Variants in TRMT11 observed in about 807,000 individuals in gnomAD.
TRMT11 encodes the protein tRNA (guanine(10)-N(2))-methyltransferase TRMT11.
A neutral mutation model predicts 62.8 loss-of-function variants in TRMT11; 53 were observed. The observed-to-expected ratio is 0.84, with a 90% CI of 0.68 to 1.06. The LOEUF is 1.06. Ranked by LOEUF, TRMT11 falls within the 50% of genes least tolerant of loss-of-function variation. The pLI is 0.00. For missense variants in TRMT11, 556 were observed against 553.4 expected (o/e 1.00, Z -0.05); for synonymous variants, 188 against 190.3 (o/e 0.99, Z 0.10).
At chr6:126,038,475 T>G (rs1180071943) in intron 12 of TRMT11, among the ~76,000 whole-genome samples, 5 of 151,080 alleles carry the variant, frequency 3.3e-5, no homozygotes. Flanking sequence ...ATTTGTCCTC[T>G]GTACAGAGGT....
At chr6:126,015,483 G>A (rs1467881383) in intron 11 of TRMT11, among the ~76,000 whole-genome samples, 1 of 152,100 alleles carries the variant, frequency 6.6e-6, no homozygotes, top group Admixed American at 6.5e-5. Context: ...TTGCCTCGGT[G>A]CTGGGATTAC....
intron 17 of TRMT11, among the ~76,000 whole-genome samples, chr6:126,079,736 A>G (rs1188321916): frequency 2.7e-5 from 4 of 149,744 alleles, no homozygotes; most frequent in African/African-American, 9.8e-5. Context: ...AAATGGAAAG[A>G]AAAAAAAAAG....
chr6:126,195,388 C>A (rs138951653), intron 1 of TRMT11, among the ~76,000 whole-genome samples: 8 of 152,244 alleles, frequency 5.3e-5, no homozygotes, highest in Admixed American at 2.6e-4. Context: ...CAAATATTTT[C>A]AGTGATAATC....
the TRMT11 span, among the ~76,000 whole-genome samples, chr6:126,262,014 A>G: frequency 3.3e-5 from 5 of 152,308 alleles, no homozygotes; most frequent in African/African-American, 9.6e-5. Context: ...GCGAGGTGGG[A>G]AGTCCTGTGG....
intron 17 of TRMT11, among the ~76,000 whole-genome samples, chr6:126,094,676 A>C (rs1777320916): frequency 6.6e-6 from 1 of 152,234 alleles, no homozygotes; most frequent in Non-Finnish European, 1.5e-5. Context: ...GAATGTAGAA[A>C]GAAGCAAGAC....
chr6:126,149,257 A>G (rs1032926955), intron 21 of TRMT11, among the ~76,000 whole-genome samples: 1 of 152,194 alleles, frequency 6.6e-6, no homozygotes, highest in African/African-American at 2.4e-5. Context: ...TGCCTGTTAA[A>G]GCCATTTTAG....
At position 126,075,070 on chromosome 6, in the gene TRMT11, G is replaced by A. The variant is rs184571204; in HGVS notation, c.*1437+21880G>A. Among the ~76,000 whole-genome samples the A allele has an allele frequency of 3.8e-4, 58 of 152,110 alleles. 1 individual carries two copies. Among genetic ancestry groups the A allele is most frequent in the Admixed American group, 7.9e-4 (12 of 15,274 alleles). On this transcript the variant is annotated intron_variant and NMD_transcript_variant, in intron 17 of 22. Transcript: ENST00000648977. Reference sequence around the variant, plus strand: ...AGCTGAACATCCTTTTCAGGGTGTCGAGTTTCTGCTATTGTGTTCTAAATG... The same window carrying A: ...AGCTGAACATCCTTTTCAGGGTGTCAAGTTTCTGCTATTGTGTTCTAAATG...
chr6:126,235,402 G>T, the TRMT11 span, among the ~76,000 whole-genome samples: 1 of 152,096 alleles, frequency 6.6e-6, no homozygotes, highest in Non-Finnish European at 1.5e-5. Flanking sequence ...GTACATGTAC[G>T]CATATGTTCA....
chr6:126,099,371 C>G (rs1777372689), intron 17 of TRMT11, among the ~76,000 whole-genome samples: 2 of 152,120 alleles, frequency 1.3e-5, no homozygotes. Context: ...AAATTTAGTG[C>G]ATCAATCAAA....
At chr6:126,128,088 T>C (rs1203838037) in intron 21 of TRMT11, among the ~76,000 whole-genome samples, 2 of 152,124 alleles carry the variant, frequency 1.3e-5, no homozygotes, top group Non-Finnish European at 2.9e-5. Context: ...GTGGATATGA[T>C]CTGTTTATGG....
intron 1 of TRMT11, among the ~76,000 whole-genome samples, chr6:126,190,207 C>T (rs1461499118): frequency 2.6e-5 from 4 of 152,064 alleles, no homozygotes; most frequent in Non-Finnish European, 5.9e-5. Context: ...ACCCGCTTTC[C>T]CCTTTTCCTT....
intron 17 of TRMT11, among the ~76,000 whole-genome samples, chr6:126,056,208 A>G (rs955093000): frequency 1.3e-5 from 2 of 152,230 alleles, no homozygotes; most frequent in African/African-American, 2.4e-5. Flanking sequence ...GATGATTTGT[A>G]TGAATGCATT....
At chr6:126,236,115 G>A in the TRMT11 span, among the ~76,000 whole-genome samples, 1 of 152,210 alleles carries the variant, frequency 6.6e-6, no homozygotes, top group Non-Finnish European at 1.5e-5. Flanking sequence ...TTTCTCTTAT[G>A]TGGAAAGTCA....
At chr6:126,261,274 CT>C in the TRMT11 span, among the ~76,000 whole-genome samples, 2 of 151,910 alleles carry the variant, frequency 1.3e-5, no homozygotes, top group East Asian at 3.9e-4. Context: ...CTGTTTGGTT[CT>C]TTTTTCATGT....
chr6:126,018,749 A>G (rs1449456211), intron 11 of TRMT11, among the ~76,000 whole-genome samples: 2 of 152,216 alleles, frequency 1.3e-5, no homozygotes, highest in African/African-American at 4.8e-5. Context: ...AAAACAGGGA[A>G]TTAAGATGGG....
At chr6:126,177,916 T>G (rs1054416565) in intron 1 of TRMT11, among the ~76,000 whole-genome samples, 3 of 152,186 alleles carry the variant, frequency 2.0e-5, no homozygotes, top group Admixed American at 6.5e-5. Context: ...CCCTTTCCCT[T>G]AAGCCCTCTG....
At chr6:126,265,433 A>G in the TRMT11 span, among the ~76,000 whole-genome samples, 1,979 of 152,232 alleles carry the variant, frequency 0.013, 35 homozygotes, top group African/African-American at 0.046. Flanking sequence ...TGTTAAAATA[A>G]TTGTAATTCT....
intron 17 of TRMT11, among the ~76,000 whole-genome samples, chr6:126,097,673 T>C (rs1259923024): frequency 1.3e-5 from 2 of 152,130 alleles, no homozygotes; most frequent in African/African-American, 4.8e-5. Context: ...TTAAAAAAAA[T>C]CTGAACTTCA....
chr6:126,254,108 A>T, the TRMT11 span, among the ~76,000 whole-genome samples: 1 of 152,214 alleles, frequency 6.6e-6, no homozygotes, highest in Non-Finnish European at 1.5e-5. Flanking sequence ...TACCACTGAT[A>T]TCAGGGAAGC....
Sources: gnomAD v4.1 joint callset for allele counts (sites outside exome capture counted in the v4.1 genomes callset) on GRCh38, gnomAD v4.1.1 for gene constraint, MANE v1.5 for transcripts, NCBI Gene and HGNC (gene_info 2026-07-23, HGNC 2026-07-21) for gene names.